The following SPATA22 variants were observed in gnomAD, a reference collection of about 807,000 sequenced individuals.
The protein encoded by SPATA22 is spermatogenesis associated 22.
SPATA22 carries 29 observed loss-of-function variants against 47.8 expected under a neutral mutation model. The observed-to-expected ratio is 0.61, with a 90% confidence interval of 0.45 to 0.83. SPATA22 has a LOEUF of 0.83. SPATA22 is among the 40% of genes least tolerant of loss of function. The pLI is 0.00. For synonymous variants in SPATA22, 133 were observed against 140.9 expected (o/e 0.94, Z 0.40); for missense variants, 410 against 421.7 (o/e 0.97, Z 0.24).
intron 5 of SPATA22, among the ~76,000 whole-genome samples, chr17:3,454,748 C>T (rs912407820): frequency 7.9e-5 from 12 of 152,012 alleles, no homozygotes; most frequent in East Asian, 7.7e-4. Context: ...TGAATAGTGC[C>T]GCAATAAACA....
intron 3 of SPATA22, among the ~76,000 whole-genome samples, chr17:3,464,870 C>A (rs2073246609): frequency 8.5e-6 from 1 of 117,272 alleles, no homozygotes; most frequent in Non-Finnish European, 2.1e-5. Context: ...CCGGCAGCCA[C>A]CCCGTCTGGG....
intron 4 of SPATA22, 34 bp from the exon 5 acceptor site, chr17:3,462,612 A>C: frequency 6.3e-7 from 1 of 1,596,310 alleles, no homozygotes; most frequent in Non-Finnish European, 8.6e-7. Flanking sequence ...AAATATTAAT[A>C]GTTTGCTTTC....
intron 1 of SPATA22, chr17:3,511,598 G>C (rs2074114889): frequency 6.6e-6 from 1 of 152,228 alleles, no homozygotes; most frequent in African/African-American, 2.4e-5. Flanking sequence ...GGTGGACACT[G>C]TTGGGAAGAA....
chr17:3,467,901 T>C (rs1019733980), intron 2 of SPATA22, among the ~76,000 whole-genome samples: 2 of 152,136 alleles, frequency 1.3e-5, no homozygotes, highest in Non-Finnish European at 2.9e-5. Flanking sequence ...GCAGGGGACC[T>C]TTGAAGTACA....
rs375532853 is a variant in SPATA22 at position 3,440,279 on chromosome 17, G to C, written c.960C>G (p.Asp320Glu). The part of the protein sequence containing the change: ...GRVHRCVGNY[D>E]QKKNIFQCVS... The stretch of plus-strand genomic sequence containing the variant: ...CACATTGGAAAATGTTCTTTTTCTG[G>C]TCATAGTTGCCAACACATCTATGAA... Residue 320 changes from aspartate to glutamate, a missense_variant, in exon 9 of 9, where the codon GAC (aspartate) becomes GAG (glutamate). Transcript: ENST00000572969. 6 of 1,609,256 alleles carry C rather than the reference G, an allele frequency of 3.7e-6. No individual in the cohort carries two copies. Among genetic ancestry groups the C allele is most frequent in the Non-Finnish European group, 5.1e-6 (6 of 1,177,180 alleles).
At chr17:3,444,736 T>C (rs1175331487) in intron 7 of SPATA22, among the ~76,000 whole-genome samples, 1 of 152,062 alleles carries the variant, frequency 6.6e-6, no homozygotes, top group East Asian at 1.9e-4. Flanking sequence ...TAAATGAGTA[T>C]TTAAAATCCA....
chr17:3,460,746 T>C lies in SPATA22; in HGVS notation c.329+1737A>G, dbSNP rs559525204. Among the ~76,000 whole-genome samples the C allele has an allele frequency of 2.7e-4, 35 of 131,814 alleles. No individual in the cohort carries two copies. In the South Asian group the frequency reaches 7.7e-3, roughly 29 times the overall value. The allele number at this position is 131,814 out of a possible 152,430, so 86.5% of individuals were successfully genotyped here. A position where few individuals can be genotyped will look rare whatever the true frequency, so the allele number is the denominator to read the frequency against. ...AGTTCAAGGTTGCAATGAGCTATGA[T>C]CATGCCACTGCACTCCAGCCTGGGC... On this transcript the variant is annotated intron_variant, in intron 5 of 8. Transcript: ENST00000572969.
At chr17:3,451,319 T>C (rs2150705436) in intron 5 of SPATA22, among the ~76,000 whole-genome samples, 1 of 152,000 alleles carries the variant, frequency 6.6e-6, no homozygotes, top group East Asian at 1.9e-4. Flanking sequence ...AAAGCAAATA[T>C]TGACAAATCT....
chr17:3,446,455 T>C lies in SPATA22; in HGVS notation c.802+17A>G. Reference sequence around the variant, plus strand: ...CCAGAGAGTATTACTGAAGTATTTTTAAAGTATTTTACCTACCTAATACTT... The same window carrying C: ...CCAGAGAGTATTACTGAAGTATTTTCAAAGTATTTTACCTACCTAATACTT... On this transcript the variant is annotated intron_variant, in intron 7 of 8. Transcript: ENST00000572969. The C allele has an allele frequency of 1.9e-6, 3 of 1,594,754 alleles. No homozygotes were observed. Among genetic ancestry groups the C allele is most frequent in the Non-Finnish European group, 2.6e-6 (3 of 1,173,822 alleles).
upstream of SPATA22, among the ~76,000 whole-genome samples, chr17:3,476,810 C>T (rs750692113): frequency 5.3e-5 from 8 of 152,148 alleles, no homozygotes; most frequent in Non-Finnish European, 7.3e-5. Context: ...ACTATGCTTA[C>T]GGTAATGCAT....
At chr17:3,463,830 C>T (rs1372172402) in intron 3 of SPATA22, among the ~76,000 whole-genome samples, 1 of 152,092 alleles carries the variant, frequency 6.6e-6, no homozygotes, top group Non-Finnish European at 1.5e-5. Context: ...ACTCTATTCT[C>T]TTCTATTTCT....
At chr17:3,513,701 T>C (rs574761823) in exon 1 of SPATA22, 2 of 484,560 alleles carry the variant, frequency 4.1e-6, no homozygotes, top group South Asian at 4.1e-5. Flanking sequence ...CACCAGCTGT[T>C]TGCCAAGTAA....
exon 1 of SPATA22, chr17:3,513,800 T>C (rs1482987712): frequency 3.5e-6 from 3 of 852,426 alleles, no homozygotes; most frequent in African/African-American, 1.7e-5. Flanking sequence ...GGGTGCACTC[T>C]GCTTCTAGGC....
chr17:3,484,932 T>C (rs565203661), intron 1 of SPATA22, among the ~76,000 whole-genome samples: 174 of 152,358 alleles, frequency 1.1e-3, no homozygotes, highest in African/African-American at 3.9e-3. Context: ...TTCTGCAGGC[T>C]GATAATGTAT....
At chr17:3,447,247 A>T (rs1328672530) in intron 6 of SPATA22, among the ~76,000 whole-genome samples, 1 of 152,152 alleles carries the variant, frequency 6.6e-6, no homozygotes, top group Non-Finnish European at 1.5e-5. Context: ...CAAGTATAAA[A>T]GCCCTGAGAT....
chr17:3,479,786 T>C (rs1027436521), intron 1 of SPATA22, among the ~76,000 whole-genome samples: 2 of 152,156 alleles, frequency 1.3e-5, no homozygotes, highest in Non-Finnish European at 2.9e-5. Flanking sequence ...TTGTACACAG[T>C]AGGTCCCTTG....
At chr17:3,454,546 G>A (rs1195377166) in intron 5 of SPATA22, among the ~76,000 whole-genome samples, 2 of 151,630 alleles carry the variant, frequency 1.3e-5, no homozygotes, top group South Asian at 2.1e-4. Context: ...GAGAACATGC[G>A]GTGTTTGGTT....
At chr17:3,468,209 T>C (rs1183388397) in intron 2 of SPATA22, 2 of 152,242 alleles carry the variant, frequency 1.3e-5, no homozygotes, top group Non-Finnish European at 2.9e-5. Flanking sequence ...CTACTACCGA[T>C]TCCTCCAGAT....
rs545223532 is a variant in SPATA22 at position 3,458,855 on chromosome 17, C to CAAAAAAAAAAAAAA, written c.329+3614_329+3627dup. Among the ~76,000 whole-genome samples the CAAAAAAAAAAAAAA allele has an allele frequency of 9.7e-3, 370 of 38,328 alleles. 22 individuals carry two copies. Among genetic ancestry groups the CAAAAAAAAAAAAAA allele is most frequent in the Middle Eastern group, 0.029 (1 of 34 alleles). 25.1% of individuals were successfully genotyped at this position (38,328 alleles called of 152,430 possible). A position where few individuals can be genotyped will look rare whatever the true frequency, so the allele number is the denominator to read the frequency against. On this transcript the variant is annotated intron_variant, in intron 5 of 8. Coordinates refer to ENST00000572969, the MANE Select transcript of SPATA22 (RefSeq NM_001170698.2). ...CCTGGGCAACAAGAGCGAAACTTCA[C>CAAAAAAAAAAAAAA]AAAAAAAAAAAAAAAAAAAAAAAAA... is the stretch of plus-strand genomic sequence containing the variant.
Sources: allele counts gnomAD v4.1 joint callset (sites outside exome capture counted in the v4.1 genomes callset), GRCh38; gene constraint gnomAD v4.1.1; transcripts MANE v1.5; gene names NCBI Gene and HGNC (gene_info 2026-07-23, HGNC 2026-07-21).